The following FMNL2 variants were observed in gnomAD, a reference collection of about 807,000 sequenced individuals.
FMNL2 encodes the protein formin-like protein 2.
FMNL2 carries 51 observed loss-of-function variants against 130.2 expected under a neutral mutation model. The observed-to-expected ratio is 0.39, with a 90% CI of 0.31 to 0.49. The LOEUF (loss-of-function observed/expected upper bound fraction) is 0.49, where lower values mean the gene tolerates loss of function less well. FMNL2 is among the 20% of genes least tolerant of loss of function. The pLI is 0.85. For missense variants in FMNL2, 977 were observed against 1,316.2 expected (o/e 0.74, Z 3.99); for synonymous variants, 465 against 467.1 (o/e 1.00, Z 0.06).
intron 1 of FMNL2, among the ~76,000 whole-genome samples, chr2:152,356,147 A>AT (rs1242216908): frequency 2.0e-5 from 3 of 152,026 alleles, no homozygotes. Context: ...TATTTTGTTT[A>AT]TTTTTTTGAG....
intron 1 of FMNL2, chr2:152,389,810 C>T (rs985301044): frequency 1.3e-5 from 18 of 1,357,226 alleles, no homozygotes; most frequent in African/African-American, 5.7e-5. Flanking sequence ...TTTTTCACTG[C>T]AGGAGAAGAG....
chr2:152,476,418 C>A (rs1690154616), intron 1 of FMNL2, among the ~76,000 whole-genome samples: 1 of 152,176 alleles, frequency 6.6e-6, no homozygotes, highest in Non-Finnish European at 1.5e-5. Flanking sequence ...CTCCTGTAAT[C>A]CCAGCATTTT....
chr2:152,606,533 C>T (rs1698362996), intron 9 of FMNL2, among the ~76,000 whole-genome samples: 1 of 151,036 alleles, frequency 6.6e-6, no homozygotes, highest in Admixed American at 6.6e-5. Flanking sequence ...AGTGAGCTAT[C>T]ATTGTGCTAC....
chr2:152,494,214 C>G (rs1408973836), intron 1 of FMNL2, among the ~76,000 whole-genome samples: 2 of 152,318 alleles, frequency 1.3e-5, no homozygotes, highest in East Asian at 3.9e-4. Flanking sequence ...AAGCTGTGAG[C>G]TTTTCCTTTT....
In FMNL2 at chr2:152,448,109, T is replaced by C. The variant is rs1246357711; in HGVS notation, c.118-73834T>C. 3.3e-5 allele frequency among the ~76,000 whole-genome samples: 5 copies of C among 152,232 alleles called. No homozygotes were observed. The East Asian group carries it at 7.7e-4, about 24-fold the overall frequency. ...TTCCACATGTTTTCTCCTATACCCA[T>C]TGAATTCGTCAAAACATACCTGACT... On this transcript the variant is annotated intron_variant, in intron 1 of 25. Coordinates refer to ENST00000288670, the MANE Select transcript of FMNL2 (RefSeq NM_052905.4).
chr2:152,366,376 C>T (rs1683545169), intron 1 of FMNL2, among the ~76,000 whole-genome samples: 2 of 151,736 alleles, frequency 1.3e-5, no homozygotes, highest in African/African-American at 4.9e-5. Flanking sequence ...CAACATGGCA[C>T]ATGTATACAT....
At chr2:152,523,156 T>C (rs1693193981) in intron 2 of FMNL2, among the ~76,000 whole-genome samples, 1 of 152,222 alleles carries the variant, frequency 6.6e-6, no homozygotes, top group Admixed American at 6.5e-5. Context: ...ATAGATAATG[T>C]TAAAGAAATT....
intron 1 of FMNL2, among the ~76,000 whole-genome samples, chr2:152,369,364 G>C (rs989306276): frequency 2.0e-5 from 3 of 152,216 alleles, no homozygotes; most frequent in Admixed American, 6.5e-5. Context: ...ATCCAGATTA[G>C]TCACATGGCT....
intron 1 of FMNL2, among the ~76,000 whole-genome samples, chr2:152,377,951 A>G (rs1684261934): frequency 6.6e-6 from 1 of 152,034 alleles, no homozygotes; most frequent in African/African-American, 2.4e-5. Flanking sequence ...GCCTCTACTA[A>G]GAACACAAAA....
chr2:152,556,002 G>T (rs1449728949), intron 4 of FMNL2, among the ~76,000 whole-genome samples: 3 of 152,162 alleles, frequency 2.0e-5, no homozygotes, highest in Non-Finnish European at 2.9e-5. Flanking sequence ...TGCTTTGAAA[G>T]TTGCCCGTTT....
intron 3 of FMNL2, 59 bp downstream of exon 3, chr2:152,542,878 C>T (rs1405553033): frequency 7.0e-6 from 11 of 1,569,362 alleles, no homozygotes; most frequent in Non-Finnish European, 9.6e-6. Context: ...GCAGAATCCT[C>T]CTGCATTGGA....
intron 2 of FMNL2, among the ~76,000 whole-genome samples, chr2:152,541,094 A>G (rs540477290): frequency 6.6e-6 from 1 of 152,112 alleles, no homozygotes. Context: ...GTAAGAAAAT[A>G]CCTTTTGGGT....
intron 9 of FMNL2, among the ~76,000 whole-genome samples, chr2:152,601,769 A>G (rs769489664): frequency 3.3e-5 from 5 of 149,822 alleles, no homozygotes; most frequent in Non-Finnish European, 5.9e-5. Flanking sequence ...TCCCAGGTTC[A>G]AGTGATTCTC....
At chr2:152,453,749 G>A (rs902005532) in intron 1 of FMNL2, among the ~76,000 whole-genome samples, 14 of 152,170 alleles carry the variant, frequency 9.2e-5, no homozygotes, top group Non-Finnish European at 1.8e-4. Context: ...GTCTGCGAGG[G>A]CACAGCCATT....
intron 1 of FMNL2, among the ~76,000 whole-genome samples, chr2:152,349,254 G>A (rs1356566912): frequency 1.3e-5 from 2 of 152,210 alleles, no homozygotes; most frequent in African/African-American, 4.8e-5. Context: ...AAACTCCGGG[G>A]TGCATTCCAC....
chr2:152,625,111 C>T (rs1337518213), intron 15 of FMNL2: 1 of 237,624 alleles, frequency 4.2e-6, no homozygotes, highest in Non-Finnish European at 8.2e-6. Flanking sequence ...TGCTCTCCAA[C>T]ACTTTTTATT....
At chr2:152,438,912 C>T (rs906517054) in intron 1 of FMNL2, among the ~76,000 whole-genome samples, 4 of 151,874 alleles carry the variant, frequency 2.6e-5, no homozygotes, top group Admixed American at 2.6e-4. Context: ...CATCAGTTGC[C>T]GGCACTTATG....
At chr2:152,413,495 C>A (rs1304246800) in intron 1 of FMNL2, among the ~76,000 whole-genome samples, 1 of 152,042 alleles carries the variant, frequency 6.6e-6, no homozygotes, top group Non-Finnish European at 1.5e-5. Context: ...ACTAATGGAG[C>A]CTGGTACTTG....
intron 1 of FMNL2, among the ~76,000 whole-genome samples, chr2:152,496,338 C>T (rs970978626): frequency 3.3e-5 from 5 of 152,088 alleles, no homozygotes; most frequent in African/African-American, 1.2e-4. Flanking sequence ...GCAAGAATAT[C>T]GTGGAAGTGA....
Sources: gnomAD v4.1 joint callset for allele counts (sites outside exome capture counted in the v4.1 genomes callset) on GRCh38, gnomAD v4.1.1 for gene constraint, MANE v1.5 for transcripts, NCBI Gene and HGNC (gene_info 2026-07-23, HGNC 2026-07-21) for gene names.